PDCD10: variants seen among roughly 807,000 people sequenced by gnomAD.
The protein encoded by PDCD10 is programmed cell death protein 10.
Under a neutral mutation model 29.2 loss-of-function variants are expected in PDCD10, and 4 were observed. The ratio of observed to expected loss-of-function variants is 0.14; its 90% CI spans 0.07 to 0.31. PDCD10 has a LOEUF of 0.31. Among genes scored for constraint, PDCD10 ranks in the 10% least tolerant of loss-of-function variants. PDCD10 has a pLI of 1.00. For synonymous variants in PDCD10, 70 were observed against 82.2 expected (o/e 0.85, Z 0.80); for missense variants, 183 against 257.9 (o/e 0.71, Z 1.99).
At chr3:167,699,070 T>G (rs1225473705) in intron 4 of PDCD10, among the ~76,000 whole-genome samples, 5 of 152,190 alleles carry the variant, frequency 3.3e-5, no homozygotes, top group Non-Finnish European at 7.3e-5. Flanking sequence ...AAAAAACAAT[T>G]TTTACTCTGT....
At chr3:167,717,309 G>A (rs1419570850) in intron 3 of PDCD10, among the ~76,000 whole-genome samples, 1 of 151,986 alleles carries the variant, frequency 6.6e-6, no homozygotes, top group Non-Finnish European at 1.5e-5. Flanking sequence ...GACTACCATT[G>A]TAGCTATCAT....
At chr3:167,710,254 T>A (rs1052739775) in intron 3 of PDCD10, among the ~76,000 whole-genome samples, 2 of 152,102 alleles carry the variant, frequency 1.3e-5, no homozygotes, top group African/African-American at 4.8e-5. Flanking sequence ...CCACTTTGGA[T>A]CTTGGGGTCC....
In PDCD10 at chr3:167,701,642, G is replaced by A. The variant is rs141886715; in HGVS notation, c.150+3200C>T. On this transcript the variant is annotated intron_variant, in intron 4 of 8. Coordinates refer to ENST00000392750, the MANE Select transcript of PDCD10 (RefSeq NM_007217.4). ...CCTCTAAATCAGCCTCTACATCAGG[G>A]GATCAAGAACCTTTAAAGCTCATTA... Among the ~76,000 whole-genome samples the A allele has an allele frequency of 1.2e-3, 184 of 152,232 alleles. 2 individuals carry two copies. In the East Asian group the frequency reaches 0.027, roughly 22 times the overall value.
At chr3:167,709,306 T>A (rs1273284116) in intron 3 of PDCD10, among the ~76,000 whole-genome samples, 1 of 152,160 alleles carries the variant, frequency 6.6e-6, no homozygotes, top group Non-Finnish European at 1.5e-5. Flanking sequence ...TGGTTTTAAT[T>A]TCATATTGCT....
intron 3 of PDCD10, among the ~76,000 whole-genome samples, chr3:167,718,658 C>T (rs992730399): frequency 2.0e-4 from 31 of 151,624 alleles, no homozygotes; most frequent in African/African-American, 7.3e-4. Context: ...AGGAAGCAAA[C>T]TCAGCTAGAT....
chr3:167,707,923 G>C (rs1337214035), intron 3 of PDCD10, among the ~76,000 whole-genome samples: 1 of 152,092 alleles, frequency 6.6e-6, no homozygotes, highest in African/African-American at 2.4e-5. Context: ...GAAAAGGTTT[G>C]TAACATACTT....
intron 2 of PDCD10, among the ~76,000 whole-genome samples, chr3:167,731,650 G>C (rs1323064415): frequency 6.6e-6 from 1 of 152,198 alleles, no homozygotes; most frequent in South Asian, 2.1e-4. Context: ...GCCAGGTACT[G>C]CGTAAGTAGT....
intron 5 of PDCD10, 145 bp downstream of exon 5, chr3:167,696,864 T>C (rs1182335344): frequency 2.0e-5 from 14 of 699,302 alleles, no homozygotes; most frequent in Non-Finnish European, 3.7e-5. Context: ...ACTATCACTA[T>C]CACCACCACC....
At chr3:167,728,288 A>G (rs576812864) in intron 2 of PDCD10, among the ~76,000 whole-genome samples, 1 of 152,168 alleles carries the variant, frequency 6.6e-6, no homozygotes, top group South Asian at 2.1e-4. Flanking sequence ...AAAAAAGCCT[A>G]GCAACAATCT....
In PDCD10 at chr3:167,734,818, C is replaced by G. The variant is rs1356644108; in HGVS notation, c.-410G>C. ...AGCTACACCTTACCAGCAACTGAGG[C>G]ACTGACTTCACTTCCCACCTTGCAG... On this transcript the variant is annotated 5_prime_UTR_variant, in exon 1 of 9. Coordinates refer to ENST00000392750, the MANE Select transcript of PDCD10 (RefSeq NM_007217.4). The G allele has an allele frequency of 6.5e-6, 1 of 154,028 alleles. No homozygotes were observed. The highest frequency in any genetic ancestry group is 1.9e-4 in the East Asian group (1 of 5,204). The allele number at this position is 154,028 out of a possible 1,614,324, so 9.5% of individuals were successfully genotyped here. A position where few individuals can be genotyped will look rare whatever the true frequency, so the allele number is the denominator to read the frequency against.
chr3:167,719,082 A>ACC (rs1011071645), intron 3 of PDCD10, among the ~76,000 whole-genome samples: 5 of 151,828 alleles, frequency 3.3e-5, no homozygotes, highest in African/African-American at 4.8e-5. Flanking sequence ...TATAGAATAA[A>ACC]ACTGTAATCA....
At chr3:167,715,607 A>C (rs1722928428) in intron 3 of PDCD10, among the ~76,000 whole-genome samples, 1 of 152,074 alleles carries the variant, frequency 6.6e-6, no homozygotes, top group South Asian at 2.1e-4. Flanking sequence ...TAAAGATCTG[A>C]GTAGACATTC....
At position 167,714,216 on chromosome 3, in the gene PDCD10, G is replaced by A. The variant is rs147527381; in HGVS notation, c.96+5846C>T. Reference sequence around the variant, plus strand: ...TAACCAAGGAGATTTATCCCAGGACGCAAGGATGGTTCAATATATGCAAAT... The same window carrying A: ...TAACCAAGGAGATTTATCCCAGGACACAAGGATGGTTCAATATATGCAAAT... On this transcript the variant is annotated intron_variant, in intron 3 of 8. Coordinates refer to ENST00000392750, the MANE Select transcript of PDCD10 (RefSeq NM_007217.4). Among the ~76,000 whole-genome samples, 12 of 152,134 alleles carry A rather than the reference G, an allele frequency of 7.9e-5. No individual in the cohort carries two copies. The South Asian group carries it at 1.7e-3, about 21-fold the overall frequency.
intron 2 of PDCD10, among the ~76,000 whole-genome samples, chr3:167,722,744 C>T (rs1723709118): frequency 6.6e-6 from 1 of 152,146 alleles, no homozygotes; most frequent in Non-Finnish European, 1.5e-5. Context: ...TGCAGATGTA[C>T]AGGCTGCCAG....
intron 6 of PDCD10, among the ~76,000 whole-genome samples, chr3:167,693,728 A>G (rs931201778): frequency 7.2e-5 from 11 of 151,952 alleles, no homozygotes; most frequent in Non-Finnish European, 1.3e-4. Context: ...GGATCACTTG[A>G]GCTCAGAGGT....
chr3:167,685,628 A>G (rs1429210754), intron 8 of PDCD10, among the ~76,000 whole-genome samples: 4 of 152,192 alleles, frequency 2.6e-5, no homozygotes, highest in African/African-American at 9.7e-5. Flanking sequence ...CCATATGCAG[A>G]GTAAATAATT....
rs143105354 is a variant in PDCD10, at chr3:167,722,339, C to T, written c.-116-2066G>A. ...GAACAAGACAAGACAGTCTCTGACCCCATTAAACGTGTTTTATAAAAGGAA... is the reference window on the plus strand; with the variant it reads ...GAACAAGACAAGACAGTCTCTGACCTCATTAAACGTGTTTTATAAAAGGAA... On this transcript the variant is annotated intron_variant, in intron 2 of 8. Transcript: ENST00000392750. 2.9e-3 allele frequency among the ~76,000 whole-genome samples: 446 copies of T among 152,132 alleles called. 2 individuals are homozygous for T. The highest frequency in any genetic ancestry group is 0.01 in the African/African-American group (435 of 41,504).
At position 167,719,903 on chromosome 3, in the gene PDCD10, C is replaced by T. The variant is rs142954692; in HGVS notation, c.96+159G>A. Reference sequence around the variant, plus strand: ...AGAGGGAAGAGGCATATCTGCTTGGCTTTGTTTTCACTATTTTTTGCCCTG... The same window carrying T: ...AGAGGGAAGAGGCATATCTGCTTGGTTTTGTTTTCACTATTTTTTGCCCTG... On this transcript the variant is annotated intron_variant, in intron 3 of 8. Transcript: ENST00000392750. Among the ~76,000 whole-genome samples, 817 of 152,124 alleles carry T rather than the reference C, an allele frequency of 5.4e-3. 17 individuals carry two copies. The highest frequency in any genetic ancestry group is 3.6e-3 in the Non-Finnish European group (244 of 67,950).
At chr3:167,706,519 G>GT (rs1721988070) in intron 3 of PDCD10, among the ~76,000 whole-genome samples, 1 of 151,362 alleles carries the variant, frequency 6.6e-6, no homozygotes, top group Non-Finnish European at 1.5e-5. Flanking sequence ...ATAGGCAACT[G>GT]TAACACTATG....
Sources: gnomAD v4.1 joint callset for allele counts (sites outside exome capture counted in the v4.1 genomes callset) on GRCh38, gnomAD v4.1.1 for gene constraint, MANE v1.5 for transcripts, NCBI Gene and HGNC (gene_info 2026-07-23, HGNC 2026-07-21) for gene names.